Variants in EHMT1 observed in about 807,000 individuals in gnomAD.
EHMT1 encodes euchromatic histone lysine methyltransferase 1, also known as histone-lysine N-methyltransferase EHMT1.
A neutral mutation model predicts 147.2 loss-of-function variants in EHMT1; 15 were observed. The ratio of observed to expected loss-of-function variants is 0.10; its 90% CI spans 0.07 to 0.16. The LOEUF is 0.16. Among genes scored for constraint, EHMT1 ranks in the 10% least tolerant of loss-of-function variants. The pLI is 1.00. For synonymous variants in EHMT1, 795 were observed against 709.6 expected (o/e 1.12, Z -1.91); for missense variants, 1,587 against 1,772.4 (o/e 0.90, Z 1.88).
intron 4 of EHMT1, among the ~76,000 whole-genome samples, chr9:137,737,036 CTT>C: frequency 6.6e-6 from 1 of 151,996 alleles, no homozygotes; most frequent in East Asian, 1.9e-4. Context: ...AACCCTGTCT[CTT>C]AAAAAAAATA....
chr9:137,798,286 C>T (rs145891358), intron 16 of EHMT1, among the ~76,000 whole-genome samples: 277 of 152,248 alleles, frequency 1.8e-3, no homozygotes, highest in Middle Eastern at 3.4e-3. Context: ...CCTGTAGTCC[C>T]AGCTACGTGG....
chr9:137,835,182 C>T lies in EHMT1; in HGVS notation c.*229C>T, dbSNP rs1564848640. 3 of 437,054 alleles carry T rather than the reference C, an allele frequency of 6.9e-6. No individual in the cohort carries two copies. Among genetic ancestry groups the T allele is most frequent in the Admixed American group, 4.5e-5 (1 of 22,094 alleles). 27.1% of individuals were successfully genotyped at this position (437,054 alleles called of 1,614,324 possible). ...CGCGGGCCCAGTGCCCAGGCTGGAG[C>T]GCACACTTTGGTCCGCGCGCCAGAG... is the stretch of plus-strand genomic sequence containing the variant. On this transcript the variant is annotated 3_prime_UTR_variant, in exon 27 of 27. Transcript: ENST00000460843.
At chr9:137,733,856 G>A (rs1947317725) in intron 4 of EHMT1, among the ~76,000 whole-genome samples, 1 of 152,146 alleles carries the variant, frequency 6.6e-6, no homozygotes, top group African/African-American at 2.4e-5. Flanking sequence ...GACTGCATGT[G>A]CCCAGGGAAA....
Position 137,754,248 on chromosome 9 carries a change from G to A in EHMT1, c.1326G>A (p.Arg442=). The stretch of plus-strand genomic sequence containing the variant: ...ACAGTCCCTGGATCAAGCCAGCCAG[G>A]AAAAGGAGGCGGAGAAGTAGAAAGA... ...KTDSPWIKPA[R]KRRRRSRKKP... is the part of the protein sequence containing the mutation. The change falls in exon 8 of 27, where the codon AGG becomes AGA. Residue 442 remains arginine (R), a synonymous_variant. Transcript: ENST00000460843. 1.9e-6 allele frequency: 3 copies of A among 1,614,170 alleles called. No individual in the cohort carries two copies. The highest frequency in any genetic ancestry group is 2.5e-6 in the Non-Finnish European group (3 of 1,180,024).
intron 1 of EHMT1, among the ~76,000 whole-genome samples, chr9:137,678,700 A>C: frequency 6.7e-6 from 1 of 149,360 alleles, no homozygotes; most frequent in East Asian, 2.0e-4. Context: ...AGTAAAAGTT[A>C]TATGAATGTC....
At chr9:137,725,185 ACGTGGGGCAGGTGTGTGGCCTT>A (rs948548897) in intron 3 of EHMT1, among the ~76,000 whole-genome samples, 2 of 138,724 alleles carry the variant, frequency 1.4e-5, no homozygotes, top group Admixed American at 7.1e-5. Context: ...GGCATGTCAG[ACGTGGGGCAGGTGTGTGGCCTT>A]CGTGGGGCAG....
At chr9:137,700,621 C>G (rs1943752591) in intron 1 of EHMT1, among the ~76,000 whole-genome samples, 1 of 152,132 alleles carries the variant, frequency 6.6e-6, no homozygotes, top group Non-Finnish European at 1.5e-5. Context: ...CCATTTTGAT[C>G]ATGGATTGGG....
intron 16 of EHMT1, among the ~76,000 whole-genome samples, chr9:137,792,653 C>T (rs1478673644): frequency 2.6e-5 from 4 of 152,138 alleles, no homozygotes; most frequent in Non-Finnish European, 4.4e-5. Context: ...TGCAGTGAGC[C>T]GAGATCACGC....
At chr9:137,627,453 C>T (rs1314601334) in intron 1 of EHMT1, among the ~76,000 whole-genome samples, 3 of 151,700 alleles carry the variant, frequency 2.0e-5, no homozygotes, top group South Asian at 2.1e-4. Flanking sequence ...TTAGTAGAAA[C>T]GGGGTTTCAC....
chr9:137,766,357 G>A (rs1162192953), intron 10 of EHMT1, among the ~76,000 whole-genome samples: 1 of 152,248 alleles, frequency 6.6e-6, no homozygotes, highest in Admixed American at 6.5e-5. Context: ...GCTTATGCCT[G>A]TAATCCCAGC....
chr9:137,834,092 C>T (rs1481820841), intron 25 of EHMT1: 3 of 568,266 alleles, frequency 5.3e-6, no homozygotes, highest in Non-Finnish European at 9.4e-6. Context: ...GTCAAGGGAA[C>T]GGCCCGCACC....
At chr9:137,637,549 A>G (rs962009925) in intron 1 of EHMT1, 2 of 151,700 alleles carry the variant, frequency 1.3e-5, no homozygotes, top group African/African-American at 2.4e-5. Context: ...TGGTGCCATC[A>G]TGGCTCACTT....
chr9:137,623,655 A>G (rs1284815516), intron 1 of EHMT1, among the ~76,000 whole-genome samples: 4 of 152,074 alleles, frequency 2.6e-5, no homozygotes, highest in African/African-American at 4.8e-5. Flanking sequence ...TCCCAACCTC[A>G]GGTGACCTGC....
At chr9:137,811,433 C>T (rs776893046) in intron 18 of EHMT1, 28 bp from the exon 19 acceptor site, 2 of 1,611,318 alleles carry the variant, frequency 1.2e-6, no homozygotes, top group South Asian at 1.1e-5. Flanking sequence ...AGGAAGCCTG[C>T]ACTGAGCTCT....
intron 26 of EHMT1, 120 bp from the exon 27 acceptor site, chr9:137,834,653 G>A (rs1956475530): frequency 6.3e-7 from 1 of 1,594,536 alleles, no homozygotes; most frequent in Non-Finnish European, 8.6e-7. Flanking sequence ...TAAAAACTGC[G>A]ACCTGGGATG....
Position 137,769,203 on chromosome 9 carries a change from C to A in EHMT1, c.1648-5906C>A, listed in dbSNP as rs149329401. Among the ~76,000 whole-genome samples, 362 of 152,150 alleles carry A rather than the reference C, an allele frequency of 2.4e-3. 1 individual carries two copies. Among genetic ancestry groups the A allele is most frequent in the African/African-American group, 8.5e-3 (351 of 41,504 alleles). On this transcript the variant is annotated intron_variant, in intron 10 of 26. Transcript: ENST00000460843. ...GGTCCTGTCTTGTATCTTGTTTCTG[C>A]GTTTTAATTTTATATATGCTAAAAC... is the stretch of plus-strand genomic sequence containing the variant.
rs1954966428 is a variant in EHMT1 at position 137,816,937 on chromosome 9, A to G, written c.3375-502A>G. 1.8e-5 allele frequency: 4 copies of G among 224,370 alleles called. No homozygotes were observed. In the South Asian group the frequency reaches 1.9e-4, roughly 11 times the overall value. The allele number at this position is 224,370 out of a possible 1,614,324, so 13.9% of individuals were successfully genotyped here. On this transcript the variant is annotated intron_variant, in intron 23 of 26. Coordinates refer to ENST00000460843, the MANE Select transcript of EHMT1 (RefSeq NM_024757.5). ...GGACCGCCCAGCCGCCCTCCTCCAG[A>G]TCTACCCGGCCACCCTCCCCCAGGC...
At chr9:137,624,160 C>A (rs572680250) in intron 1 of EHMT1, among the ~76,000 whole-genome samples, 1 of 151,588 alleles carries the variant, frequency 6.6e-6, no homozygotes, top group East Asian at 2.0e-4. Context: ...ACCATCACGC[C>A]CAGATAATTT....
intron 3 of EHMT1, among the ~76,000 whole-genome samples, chr9:137,718,603 C>T (rs530734133): frequency 5.0e-4 from 76 of 152,274 alleles, no homozygotes; most frequent in Admixed American, 2.3e-3. Context: ...TTCTGTCCTC[C>T]TGGGCAGTTC....
Sources: allele counts gnomAD v4.1 joint callset (sites outside exome capture counted in the v4.1 genomes callset), GRCh38; gene constraint gnomAD v4.1.1; transcripts MANE v1.5; gene names NCBI Gene and HGNC (gene_info 2026-07-23, HGNC 2026-07-21).